The following CLEC18B variants were observed in gnomAD, a reference collection of about 807,000 sequenced individuals.
CLEC18B encodes the protein mannose receptor-like 2.
Under a neutral mutation model 60.4 loss-of-function variants are expected in CLEC18B, and 5 were observed. The ratio of observed to expected loss-of-function variants is 0.08; its 90% CI spans 0.04 to 0.17. The LOEUF (loss-of-function observed/expected upper bound fraction) is 0.17. Among genes scored for constraint, CLEC18B ranks in the 10% least tolerant of loss-of-function variants. CLEC18B has a pLI of 1.00. For missense variants in CLEC18B, 26 were observed against 572.8 expected (o/e 0.05, Z 9.74); for synonymous variants, 16 against 221.2 (o/e 0.07, Z 8.23).
intron 1 of CLEC18B, 33 bp downstream of exon 1, chr16:74,421,114 C>A (rs1463734942): frequency 6.7e-7 from 1 of 1,503,564 alleles, no homozygotes; most frequent in African/African-American, 1.4e-5. Context: ...CATAATGGTG[C>A]CTCCACCTAC....
chr16:74,423,488 A>T (rs1294468272), upstream of CLEC18B, among the ~76,000 whole-genome samples: 66 of 152,284 alleles, frequency 4.3e-4, no homozygotes, highest in African/African-American at 1.5e-3. Flanking sequence ...CAGGAGCTTG[A>T]GACCAGCCTG....
chr16:74,413,849 C>CTTTTTTATTTATTTATTTAT (rs10676553), intron 3 of CLEC18B, among the ~76,000 whole-genome samples, 173 bp from the exon 4 acceptor site: 1,095 of 149,258 alleles, frequency 7.3e-3, no homozygotes, highest in Non-Finnish European at 9.1e-3. Flanking sequence ...TTCAGGAAGG[C>CTTTTTTATTTATTTATTTAT]TTATTTATTT....
chr16:74,419,073 G>C (rs944067528), intron 2 of CLEC18B, among the ~76,000 whole-genome samples: 11 of 152,218 alleles, frequency 7.2e-5, no homozygotes, highest in Non-Finnish European at 1.5e-5. Flanking sequence ...GGGATTACAG[G>C]TGTGAGCCAC....
chr16:74,420,160 GCTC>G (rs1834029135), intron 2 of CLEC18B, among the ~76,000 whole-genome samples: 1 of 150,490 alleles, frequency 6.6e-6, no homozygotes, highest in Non-Finnish European at 1.5e-5. Flanking sequence ...ATCCTGCAGG[GCTC>G]CTCGTGAAGC....
chr16:74,416,993 G>T (rs1425621447), intron 3 of CLEC18B, among the ~76,000 whole-genome samples: 1 of 152,174 alleles, frequency 6.6e-6, no homozygotes, highest in African/African-American at 2.4e-5. Flanking sequence ...GCTGGGTGCG[G>T]TGTCTCACAC....
At chr16:74,416,130 G>A (rs2013404596) in intron 3 of CLEC18B, among the ~76,000 whole-genome samples, 1 of 151,690 alleles carries the variant, frequency 6.6e-6, no homozygotes, top group Non-Finnish European at 1.5e-5. Flanking sequence ...GGGTGTGGTG[G>A]CGTGTGCCTG....
upstream of CLEC18B, chr16:74,422,251 A>C (rs1449154386): frequency 6.5e-6 from 1 of 152,880 alleles, no homozygotes; most frequent in Non-Finnish European, 1.5e-5. Context: ...CAGAAAATAC[A>C]TGGCTTCCTG....
chr16:74,423,284 G>A (rs2013744954), upstream of CLEC18B, among the ~76,000 whole-genome samples: 1 of 151,590 alleles, frequency 6.6e-6, no homozygotes, highest in Admixed American at 6.6e-5. Context: ...AACACGGCCA[G>A]TTGACCCATA....
At chr16:74,416,926 C>T (rs1243241006) in intron 3 of CLEC18B, among the ~76,000 whole-genome samples, 2 of 151,814 alleles carry the variant, frequency 1.3e-5, no homozygotes. Flanking sequence ...AGTTTAGTAG[C>T]ATCTTCTAAA....
chr16:74,422,058 G>A (rs1211859633), upstream of CLEC18B: 18 of 147,224 alleles, frequency 1.2e-4, no homozygotes, highest in South Asian at 2.3e-4. Context: ...CAAAGCAGGC[G>A]GGGACCAGAG....
At chr16:74,420,866 G>A (rs1226662398) in intron 1 of CLEC18B, among the ~76,000 whole-genome samples, 10 of 118,138 alleles carry the variant, frequency 8.5e-5, no homozygotes, top group African/African-American at 2.5e-4. Flanking sequence ...CCTGTCTGGG[G>A]CTCCTCCGGG....
chr16:74,419,950 G>A (rs1424252092), intron 2 of CLEC18B, among the ~76,000 whole-genome samples: 7 of 152,238 alleles, frequency 4.6e-5, no homozygotes, highest in South Asian at 2.1e-4. Context: ...AGCCCCAGCC[G>A]GGCTGGTGGG....
chr16:74,423,413 G>C (rs1460330770), upstream of CLEC18B, among the ~76,000 whole-genome samples: 2 of 152,292 alleles, frequency 1.3e-5, no homozygotes, highest in Non-Finnish European at 2.9e-5. Context: ...CCCAGGCCGG[G>C]TGTGATGGCT....
intron 2 of CLEC18B, among the ~76,000 whole-genome samples, chr16:74,420,137 GGCCCGGCC>G (rs2013613928): frequency 1.3e-5 from 2 of 151,030 alleles, no homozygotes; most frequent in Admixed American, 6.6e-5. Flanking sequence ...CTCCCTCCCT[GGCCCGGCC>G]GCCCATCCTG....
intron 3 of CLEC18B, among the ~76,000 whole-genome samples, chr16:74,415,591 G>T (rs1416925672): frequency 6.6e-6 from 1 of 151,990 alleles, no homozygotes; most frequent in African/African-American, 2.4e-5. Flanking sequence ...TAAAATTAAT[G>T]ATCTAAACAT....
chr16:74,413,849 C>CTTATTTAT (rs3863433), intron 3 of CLEC18B, among the ~76,000 whole-genome samples, 173 bp from the exon 4 acceptor site: 654 of 149,258 alleles, frequency 4.4e-3, no homozygotes, highest in East Asian at 0.011. Flanking sequence ...TTCAGGAAGG[C>CTTATTTAT]TTATTTATTT....
intron 3 of CLEC18B, among the ~76,000 whole-genome samples, chr16:74,416,949 G>A (rs576697401): frequency 0.089 from 13,231 of 149,440 alleles, 189 homozygotes; most frequent in Admixed American, 0.19. Context: ...TAGGTAGTGG[G>A]TAAGAGTGGG....
Position 74,413,641 on chromosome 16 carries a change from C to G in CLEC18B, c.492G>C (p.Gly164=). The change falls in exon 4 of 12, where the codon GGG becomes GGC. Residue 164 remains glycine (G), a synonymous_variant. Transcript: ENST00000682950. ...TCTGGCCTGCAGAGCACAGGTGCCG[C>G]CCACAGCCCAGCTGGCTTGAGGTGG... ...VWATSSQLGC[G]RHLCSAGQTA... 1 of 1,614,058 alleles carries G rather than the reference C, an allele frequency of 6.2e-7. No individual in the cohort carries two copies. The highest frequency in any genetic ancestry group is 1.1e-5 in the South Asian group (1 of 91,080).
rs141430693 is a variant in CLEC18B, at chr16:74,413,625, C to T, written c.508G>A (p.Ala170Thr). Residue 170 changes from alanine to threonine, a missense_variant, in exon 4 of 12, where the codon GCA becomes ACA. Transcript: ENST00000682950. ...QLGCGRHLCSAGQTAIEAFVC... is the reference protein window; with the variant it reads ...QLGCGRHLCSTGQTAIEAFVC... The stretch of plus-strand genomic sequence containing the variant: ...AAGGCTTCTATCGCTGTCTGGCCTG[C>T]AGAGCACAGGTGCCGCCCACAGCCC... 6.4e-5 allele frequency: 104 copies of T among 1,613,920 alleles called. No individual in the cohort carries two copies. In the African/African-American group the frequency reaches 1.0e-3, roughly 16 times the overall value.
Sources: gnomAD v4.1 joint callset for allele counts (sites outside exome capture counted in the v4.1 genomes callset) on GRCh38, gnomAD v4.1.1 for gene constraint, MANE v1.5 for transcripts, NCBI Gene and HGNC (gene_info 2026-07-23, HGNC 2026-07-21) for gene names.